EHD1: variants seen among roughly 807,000 people sequenced by gnomAD.
EHD1 encodes EH domain containing 1, also known as EH domain-containing protein 1.
A neutral mutation model predicts 39.0 loss-of-function variants in EHD1; 19 were observed. The observed-to-expected ratio is 0.49, with a 90% CI of 0.34 to 0.72. The LOEUF is 0.72. Ranked by LOEUF, EHD1 falls within the 30% of genes least tolerant of loss-of-function variation. The pLI is 0.01. For missense variants in EHD1, 542 were observed against 751.5 expected, an observed-to-expected ratio of 0.72 and a Z score of 3.26; for synonymous variants, 323 against 331.2, an observed-to-expected ratio of 0.98 and a Z score of 0.27.
chr11:64,858,236 C>T (rs1003815889), intron 3 of EHD1, among the ~76,000 whole-genome samples: 3 of 145,070 alleles, frequency 2.1e-5, no homozygotes, highest in African/African-American at 7.6e-5. Context: ...GGATGGAGTG[C>T]AGTGGTGTGA....
chr11:64,855,828 T>C (rs530436243), intron 3 of EHD1: 12 of 328,264 alleles, frequency 3.7e-5, no homozygotes, highest in South Asian at 2.2e-4. Flanking sequence ...ATTTGTCGTG[T>C]ACCACTGGGC....
At chr11:64,867,743 A>G (rs939178193) in intron 2 of EHD1, among the ~76,000 whole-genome samples, 6 of 152,208 alleles carry the variant, frequency 3.9e-5, no homozygotes, top group Admixed American at 3.9e-4. Context: ...CCTCCAAAAA[A>G]AAGATTAAAA....
chr11:64,870,593 G>T (rs1210289739), intron 2 of EHD1, among the ~76,000 whole-genome samples: 1 of 152,230 alleles, frequency 6.6e-6, no homozygotes, highest in African/African-American at 2.4e-5. Flanking sequence ...GCTTTCATGG[G>T]GAGATTGAGA....
chr11:64,855,544 G>C (rs1232860980), intron 3 of EHD1, 58 bp from the exon 4 acceptor site: 29 of 1,604,842 alleles, frequency 1.8e-5, no homozygotes, highest in Non-Finnish European at 2.5e-5. Context: ...CCCGAGAGCA[G>C]AGCCTCCAAG....
chr11:64,874,693 T>C (rs879405151), intron 1 of EHD1, among the ~76,000 whole-genome samples, 175 bp from the exon 2 acceptor site: 8 of 152,222 alleles, frequency 5.3e-5, no homozygotes, highest in Non-Finnish European at 1.0e-4. Context: ...GCAAATCGTA[T>C]GGACTTTCTC....
At chr11:64,875,859 T>C (rs952689276) in intron 1 of EHD1, among the ~76,000 whole-genome samples, 2 of 152,214 alleles carry the variant, frequency 1.3e-5, no homozygotes, top group Non-Finnish European at 2.9e-5. Flanking sequence ...CTGGCCTTCC[T>C]GCTGGGGACA....
intron 3 of EHD1, among the ~76,000 whole-genome samples, chr11:64,858,959 T>C (rs1254710497): frequency 6.6e-6 from 1 of 152,190 alleles, no homozygotes; most frequent in Non-Finnish European, 1.5e-5. Flanking sequence ...TGCACAGTGC[T>C]CCCCGGGCTG....
intron 3 of EHD1, 84 bp from the exon 4 acceptor site, chr11:64,855,570 C>T: frequency 1.3e-6 from 2 of 1,575,896 alleles, no homozygotes; most frequent in East Asian, 2.2e-5. Flanking sequence ...TCCAAGGATA[C>T]TCCAAGGTGC....
At position 64,853,905 on chromosome 11, in the gene EHD1, A is replaced by G. The variant is rs913408204; in HGVS notation, c.*428T>C. On this transcript the variant is annotated 3_prime_UTR_variant, in exon 5 of 5. Coordinates refer to ENST00000320631, the MANE Select transcript of EHD1 (RefSeq NM_006795.4). ...CGGTCCCGTGAAGCAACCTCAGCTC[A>G]GAAGCACACGGAGGGTGCCTGGTGT... 17 of 193,040 alleles carry G rather than the reference A, an allele frequency of 8.8e-5. No homozygotes were observed. The highest frequency in any genetic ancestry group is 3.5e-4 in the African/African-American group (15 of 43,238). The allele number at this position is 193,040 out of a possible 1,614,324, so 12.0% of individuals were successfully genotyped here.
chr11:64,855,111 C>A, intron 4 of EHD1: 4 of 908,162 alleles, frequency 4.4e-6, no homozygotes, highest in South Asian at 1.8e-5. Flanking sequence ...TGCCCTCCCC[C>A]CACCACGCAG....
chr11:64,878,008 T>A lies in EHD1; in HGVS notation c.404+53A>T, dbSNP rs1262416387. 2.1e-6 allele frequency: 3 copies of A among 1,460,536 alleles called. No individual in the cohort carries two copies. In the East Asian group the frequency reaches 7.3e-5, roughly 35 times the overall value. 90.5% of individuals were successfully genotyped at this position (1,460,536 alleles called of 1,614,324 possible). A position where few individuals can be genotyped will look rare whatever the true frequency, so the allele number is the denominator to read the frequency against. ...AGCCACGGGAGGGTCAGGCTCCGAG[T>A]GAGGGGTGTGCCCCGGACGCGCCCC... On this transcript the variant is annotated intron_variant, in intron 1 of 4. Coordinates refer to ENST00000320631, the MANE Select transcript of EHD1 (RefSeq NM_006795.4).
In EHD1 at chr11:64,878,540, G is replaced by T. The variant is rs1421182074; in HGVS notation, c.-76C>A. The T allele has an allele frequency of 2.7e-6, 4 of 1,480,226 alleles. No individual in the cohort carries two copies. The highest frequency in any genetic ancestry group is 2.4e-5 in the East Asian group (1 of 41,210). The allele number at this position is 1,480,226 out of a possible 1,614,324, so 91.7% of individuals were successfully genotyped here. A position where few individuals can be genotyped will look rare whatever the true frequency, so the allele number is the denominator to read the frequency against. Reference sequence around the variant, plus strand: ...GGGGCGAGGGTGCGGAGCCGAGGCGGGGCCGGCCGGGGCAGGGAATCGGGA... The same window carrying T: ...GGGGCGAGGGTGCGGAGCCGAGGCGTGGCCGGCCGGGGCAGGGAATCGGGA... On this transcript the variant is annotated 5_prime_UTR_variant, in exon 1 of 5. Transcript: ENST00000320631.
At position 64,860,037 on chromosome 11, in the gene EHD1, G is replaced by T. The variant is rs145274478; in HGVS notation, c.802C>A (p.Arg268Ser). The change falls in exon 3 of 5, where the codon CGC (arginine) becomes AGC (serine). Residue 268 changes from arginine (R) to serine (S), a missense_variant. Coordinates refer to ENST00000320631, the MANE Select transcript of EHD1 (RefSeq NM_006795.4). ...WSHPLLIPDN[R>S]KLFEAEEQDL... is the part of the protein sequence containing the mutation. ...TGCTCCTCGGCCTCAAAGAGCTTGCGGTTGTCGGGGATGAGGAGCGGGTGG... is the reference window on the plus strand; with the variant it reads ...TGCTCCTCGGCCTCAAAGAGCTTGCTGTTGTCGGGGATGAGGAGCGGGTGG... 1 of 1,614,148 alleles carries T rather than the reference G, an allele frequency of 6.2e-7. No individual in the cohort carries two copies. Among genetic ancestry groups the T allele is most frequent in the South Asian group, 1.1e-5 (1 of 91,090 alleles).
At chr11:64,864,145 A>T (rs1021154063) in intron 2 of EHD1, among the ~76,000 whole-genome samples, 6 of 152,194 alleles carry the variant, frequency 3.9e-5, no homozygotes, top group African/African-American at 1.4e-4. Context: ...GAAATAGGGC[A>T]CTCTGACCAG....
At position 64,859,982 on chromosome 11, in the gene EHD1, G is replaced by C; in HGVS notation, c.857C>G (p.Pro286Arg). 2 of 1,613,912 alleles carry C rather than the reference G, an allele frequency of 1.2e-6. No homozygotes were observed. The change falls in exon 3 of 5, where the codon CCC (proline) becomes CGC (arginine). Residue 286 changes from proline to arginine, a missense_variant. Pro to Arg is a moderately radical substitution (Grantham distance 103, BLOSUM62 -2). Coordinates refer to ENST00000320631, the MANE Select transcript of EHD1 (RefSeq NM_006795.4). ...QDLFKDIQSL[P>R]RNAALRKLND... is the part of the protein sequence containing the mutation. ...GAGCTTCCTGAGGGCGGCGTTTCGGGGCAGTGACTGGATGTCCTTGAAGAG... is the reference window on the plus strand; with the variant it reads ...GAGCTTCCTGAGGGCGGCGTTTCGGCGCAGTGACTGGATGTCCTTGAAGAG...
chr11:64,863,894 G>T (rs139790218), intron 2 of EHD1, among the ~76,000 whole-genome samples: 1 of 152,268 alleles, frequency 6.6e-6, no homozygotes, highest in Non-Finnish European at 1.5e-5. Flanking sequence ...GCGTGTGGGA[G>T]CACTGGGCCT....
At chr11:64,879,655 C>G (rs1316155779), upstream of EHD1, 1 of 1,550,924 alleles carries the variant, frequency 6.4e-7, no homozygotes, top group Admixed American at 2.0e-5. Flanking sequence ...CGCCATCCTC[C>G]CCGGCCACAC....
chr11:64,875,221 G>T (rs1276023419), intron 1 of EHD1, among the ~76,000 whole-genome samples: 1 of 152,208 alleles, frequency 6.6e-6, no homozygotes, highest in African/African-American at 2.4e-5. Flanking sequence ...TGAGAGCAGG[G>T]ATCCTTCACT....
intron 2 of EHD1, among the ~76,000 whole-genome samples, chr11:64,872,376 G>A (rs545260155): frequency 6.6e-5 from 10 of 152,160 alleles, no homozygotes; most frequent in Non-Finnish European, 1.2e-4. Context: ...TGGGAGGATC[G>A]CTTGAACCAG....
Sources: gnomAD v4.1 joint callset for allele counts (sites outside exome capture counted in the v4.1 genomes callset) on GRCh38, gnomAD v4.1.1 for gene constraint, MANE v1.5 for transcripts, NCBI Gene and HGNC (gene_info 2026-07-23, HGNC 2026-07-21) for gene names.